ZCCHC4: variants seen among roughly 807,000 people sequenced by gnomAD.
The protein encoded by ZCCHC4 is rRNA N(6)-adenosine-methyltransferase ZCCHC4.
ZCCHC4 carries 54 observed loss-of-function variants against 67.7 expected under a neutral mutation model. That is an observed-to-expected ratio of 0.80 (90% CI 0.64 to 1.00). ZCCHC4 has a LOEUF of 1.00. Among genes scored for constraint, ZCCHC4 ranks in the 50% least tolerant of loss-of-function variants. The probability of loss-of-function intolerance (pLI) is 0.00; values close to 1 mark genes in which losing one functional copy is unlikely to be tolerated. For missense variants in ZCCHC4, 609 were observed against 617.0 expected, an observed-to-expected ratio of 0.99 and a Z score of 0.14; for synonymous variants, 198 against 213.5, an observed-to-expected ratio of 0.93 and a Z score of 0.63.
intron 3 of ZCCHC4, among the ~76,000 whole-genome samples, chr4:25,318,226 G>T (rs906220807): frequency 2.0e-5 from 3 of 149,112 alleles, no homozygotes; most frequent in Non-Finnish European, 4.4e-5. Context: ...GCATGTTTCT[G>T]TTAGAAGGAT....
At chr4:25,364,541 A>T in intron 11 of ZCCHC4, 36 bp downstream of exon 11, 1 of 1,499,902 alleles carries the variant, frequency 6.7e-7, no homozygotes, top group Non-Finnish European at 9.0e-7. Context: ...GATCCTATGA[A>T]CATATTTTAG....
intron 3 of ZCCHC4, among the ~76,000 whole-genome samples, chr4:25,331,574 T>C (rs924617983): frequency 2.6e-5 from 4 of 152,188 alleles, no homozygotes; most frequent in Non-Finnish European, 4.4e-5. Context: ...CCCAAAGTGC[T>C]GGGATTTCAG....
At chr4:25,313,399 G>A (rs1471106923) in intron 1 of ZCCHC4, among the ~76,000 whole-genome samples, 1 of 152,210 alleles carries the variant, frequency 6.6e-6, no homozygotes, top group Non-Finnish European at 1.5e-5. Flanking sequence ...AACCGCGCAA[G>A]AGATGTCAAA....
rs754807959 is a variant in ZCCHC4 at position 25,365,163 on chromosome 4, A to G, written c.1403A>G (p.Asn468Ser). The G allele has an allele frequency of 1.2e-6, 2 of 1,613,826 alleles. No homozygotes were observed. Among genetic ancestry groups the G allele is most frequent in the Admixed American group, 1.7e-5 (1 of 59,972 alleles). The change falls in exon 12 of 13, where the codon AAC (asparagine) becomes AGC (serine). Residue 468 changes from asparagine (N) to serine (S), a missense_variant. Transcript: ENST00000302874. The stretch of plus-strand genomic sequence containing the variant: ...AACATTGCTACATCTAAGAGAGCTA[A>G]CAAGTCAGTCGAATACTTTACTAGA... ...CPNIATSKRA[N>S]KAVRKQKQRK...
At chr4:25,316,611 A>T (rs1315933423) in intron 3 of ZCCHC4, among the ~76,000 whole-genome samples, 1 of 144,898 alleles carries the variant, frequency 6.9e-6, no homozygotes, top group East Asian at 2.0e-4. Context: ...CTGGCTATTT[A>T]TGTATGATCT....
intron 12 of ZCCHC4, among the ~76,000 whole-genome samples, chr4:25,367,239 T>C (rs1032028265): frequency 2.6e-5 from 4 of 152,182 alleles, no homozygotes; most frequent in Admixed American, 2.6e-4. Flanking sequence ...ATTTTATCAG[T>C]TACATAAATA....
chr4:25,329,833 C>T (rs1179035405), intron 3 of ZCCHC4, among the ~76,000 whole-genome samples: 3 of 152,006 alleles, frequency 2.0e-5, no homozygotes, highest in Admixed American at 6.6e-5. Flanking sequence ...CGCACCTGGC[C>T]GGATGTTTTT....
intron 8 of ZCCHC4, chr4:25,352,039 G>C: frequency 1.0e-6 from 1 of 1,004,294 alleles, no homozygotes; most frequent in Non-Finnish European, 1.2e-6. Context: ...CCCACCCCTG[G>C]TTCATCATTA....
chr4:25,314,167 A>G lies in ZCCHC4; in HGVS notation c.246+3A>G, dbSNP rs1054100602. 24 of 1,557,708 alleles carry G rather than the reference A, an allele frequency of 1.5e-5. No individual in the cohort carries two copies. Among genetic ancestry groups the G allele is most frequent in the Non-Finnish European group, 1.8e-5 (21 of 1,145,316 alleles). On this transcript the variant is annotated splice_donor_region_variant and intron_variant, in intron 2 of 12. Coordinates refer to ENST00000302874, the MANE Select transcript of ZCCHC4 (RefSeq NM_024936.3). The stretch of plus-strand genomic sequence containing the variant: ...TTTTTCAGTGGGAAGATGAAAAGGT[A>G]TATCAACTTTTTGGATATTTATTTT...
chr4:25,348,628 A>G (rs1182133991), intron 6 of ZCCHC4, among the ~76,000 whole-genome samples: 5 of 152,208 alleles, frequency 3.3e-5, no homozygotes, highest in African/African-American at 1.2e-4. Flanking sequence ...GAGATTATTT[A>G]AACTATATAG....
At chr4:25,341,681 T>C (rs548773675) in intron 5 of ZCCHC4, among the ~76,000 whole-genome samples, 3 of 152,280 alleles carry the variant, frequency 2.0e-5, no homozygotes, top group African/African-American at 7.2e-5. Context: ...AAGGTAAAAG[T>C]TGTATTTGGA....
chr4:25,327,920 T>G (rs1718975401), intron 3 of ZCCHC4, among the ~76,000 whole-genome samples: 1 of 152,256 alleles, frequency 6.6e-6, no homozygotes, highest in Admixed American at 6.5e-5. Context: ...ACAACCTTGC[T>G]TTGCTAGGAT....
chr4:25,320,157 A>AT (rs1033153496), intron 3 of ZCCHC4, among the ~76,000 whole-genome samples: 13 of 149,922 alleles, frequency 8.7e-5, no homozygotes, highest in African/African-American at 3.2e-4. Context: ...CAGTTGACAT[A>AT]TTTACATTTT....
chr4:25,329,763 G>C (rs950547740), intron 3 of ZCCHC4, among the ~76,000 whole-genome samples: 5 of 151,940 alleles, frequency 3.3e-5, no homozygotes, highest in Non-Finnish European at 7.4e-5. Context: ...TCGATCTCTT[G>C]ACCTCATGAT....
At position 25,334,893 on chromosome 4, in the gene ZCCHC4, A is replaced by G. The variant is rs138353599; in HGVS notation, c.686+905A>G. ...CGCTCTGTCACCCAGGCTGGAGTGC[A>G]TTGGCATGGTCATAGCCCACTGTAC... On this transcript the variant is annotated intron_variant, in intron 5 of 12. Coordinates refer to ENST00000302874, the MANE Select transcript of ZCCHC4 (RefSeq NM_024936.3). Among the ~76,000 whole-genome samples the G allele has an allele frequency of 1.5e-3, 231 of 151,574 alleles. 1 individual carries two copies. The highest frequency in any genetic ancestry group is 5.3e-3 in the African/African-American group (219 of 41,286).
chr4:25,334,450 A>G (rs1320350838), intron 5 of ZCCHC4, among the ~76,000 whole-genome samples: 1 of 152,160 alleles, frequency 6.6e-6, no homozygotes, highest in East Asian at 1.9e-4. Flanking sequence ...GAGTGAAGGG[A>G]GTGCTAAGTA....
intron 3 of ZCCHC4, among the ~76,000 whole-genome samples, chr4:25,324,963 G>C (rs1718785321): frequency 6.6e-6 from 1 of 152,020 alleles, no homozygotes; most frequent in African/African-American, 2.4e-5. Context: ...AATATTTTCG[G>C]CCGGGCGCGG....
intron 1 of ZCCHC4, among the ~76,000 whole-genome samples, 188 bp from the exon 2 acceptor site, chr4:25,313,858 C>G (rs1264759845): frequency 3.3e-5 from 5 of 152,112 alleles, no homozygotes; most frequent in Admixed American, 3.3e-4. Flanking sequence ...GAGGGAGACC[C>G]TGTCTCAAGA....
In ZCCHC4 at chr4:25,312,956, C is replaced by T. The variant is rs753128742; in HGVS notation, c.127+20C>T. On this transcript the variant is annotated intron_variant, in intron 1 of 12. Transcript: ENST00000302874. The stretch of plus-strand genomic sequence containing the variant: ...CTCACGGTGGGTCAGAGTCTGGGCT[C>T]AGCCTAACTGCCGGGCGCTGAGGGT... 3.1e-6 allele frequency: 5 copies of T among 1,609,934 alleles called. No homozygotes were observed. Among genetic ancestry groups the T allele is most frequent in the East Asian group, 2.2e-5 (1 of 44,844 alleles).
Sources: allele counts gnomAD v4.1 joint callset (sites outside exome capture counted in the v4.1 genomes callset), GRCh38; gene constraint gnomAD v4.1.1; transcripts MANE v1.5; gene names NCBI Gene and HGNC (gene_info 2026-07-23, HGNC 2026-07-21).